Variants in SCFD2 observed in about 807,000 individuals in gnomAD.
SCFD2 encodes sec1 family domain containing 2.
SCFD2 carries 54 observed loss-of-function variants against 58.9 expected under a neutral mutation model. That is an observed-to-expected ratio of 0.92 (90% CI 0.74 to 1.15). The LOEUF (loss-of-function observed/expected upper bound fraction) is 1.15. Among genes scored for constraint, SCFD2 ranks in the 50% most tolerant of loss-of-function variants. SCFD2 has a pLI of 0.00. For missense variants in SCFD2, 805 were observed against 836.6 expected (o/e 0.96, Z 0.47); for synonymous variants, 321 against 335.9 (o/e 0.96, Z 0.49).
chr4:53,317,216 A>G (rs751854853), intron 2 of SCFD2, among the ~76,000 whole-genome samples: 14 of 152,108 alleles, frequency 9.2e-5, no homozygotes, highest in Non-Finnish European at 1.5e-4. Context: ...CACATTACAC[A>G]TGGTCATTTT....
intron 5 of SCFD2, among the ~76,000 whole-genome samples, chr4:52,961,039 T>A (rs1307462375): frequency 6.6e-6 from 1 of 152,112 alleles, no homozygotes; most frequent in Non-Finnish European, 1.5e-5. Flanking sequence ...GGTTGGCAGA[T>A]CATTCTGGGC....
intron 4 of SCFD2, among the ~76,000 whole-genome samples, chr4:53,224,484 T>G (rs1467185329): frequency 2.6e-5 from 4 of 151,962 alleles, no homozygotes; most frequent in African/African-American, 9.7e-5. Context: ...CTGAATACCC[T>G]GAGATTGCCA....
At chr4:53,272,727 A>G (rs1731212296) in intron 4 of SCFD2, among the ~76,000 whole-genome samples, 3 of 152,190 alleles carry the variant, frequency 2.0e-5, no homozygotes, top group Admixed American at 1.3e-4. Flanking sequence ...GGAGAGGGAT[A>G]GCATTAGGAG....
At chr4:53,033,058 A>G (rs1722660119) in intron 5 of SCFD2, among the ~76,000 whole-genome samples, 1 of 152,206 alleles carries the variant, frequency 6.6e-6, no homozygotes, top group East Asian at 1.9e-4. Context: ...AATTGACCAC[A>G]TAATTGAAAG....
At chr4:53,009,789 C>A (rs546224492) in intron 5 of SCFD2, among the ~76,000 whole-genome samples, 1 of 152,314 alleles carries the variant, frequency 6.6e-6, no homozygotes, top group African/African-American at 2.4e-5. Context: ...AATTGCATTT[C>A]TCAGAACCCT....
At chr4:53,226,877 C>G (rs1316946861) in intron 4 of SCFD2, among the ~76,000 whole-genome samples, 1 of 152,172 alleles carries the variant, frequency 6.6e-6, no homozygotes, top group South Asian at 2.1e-4. Context: ...CTGTCTATCA[C>G]TAACTAAATT....
intron 4 of SCFD2, among the ~76,000 whole-genome samples, chr4:53,159,225 A>G (rs1726780341): frequency 6.6e-6 from 1 of 152,234 alleles, no homozygotes; most frequent in Non-Finnish European, 1.5e-5. Flanking sequence ...ATTGTAGATT[A>G]TCTCATTTAG....
chr4:53,162,009 A>G (rs1726867399), intron 4 of SCFD2, among the ~76,000 whole-genome samples: 1 of 152,180 alleles, frequency 6.6e-6, no homozygotes, highest in South Asian at 2.1e-4. Context: ...AAGGCTTTAT[A>G]AAAATATGCA....
At chr4:53,332,923 C>G (rs1733541014) in intron 2 of SCFD2, among the ~76,000 whole-genome samples, 1 of 151,256 alleles carries the variant, frequency 6.6e-6, no homozygotes, top group Non-Finnish European at 1.5e-5. Context: ...AATCAATGTA[C>G]AAAAATCACA....
chr4:53,277,818 C>T (rs1285093995), intron 3 of SCFD2, among the ~76,000 whole-genome samples: 2 of 151,892 alleles, frequency 1.3e-5, no homozygotes, highest in Non-Finnish European at 2.9e-5. Flanking sequence ...TTTGGGAGGC[C>T]GAGGCGGGCA....
At chr4:53,020,140 C>T (rs576453111) in intron 5 of SCFD2, among the ~76,000 whole-genome samples, 9 of 152,294 alleles carry the variant, frequency 5.9e-5, no homozygotes, top group Non-Finnish European at 1.0e-4. Context: ...ATAGCTCTTC[C>T]GGTGCCCACA....
intron 5 of SCFD2, among the ~76,000 whole-genome samples, chr4:52,943,734 G>A (rs915214417): frequency 6.6e-6 from 1 of 152,044 alleles, no homozygotes; most frequent in Non-Finnish European, 1.5e-5. Context: ...GAATTTTGGA[G>A]GGGACACATT....
intron 7 of SCFD2, among the ~76,000 whole-genome samples, chr4:52,903,462 C>CA (rs1719272244): frequency 6.6e-6 from 1 of 152,132 alleles, no homozygotes; most frequent in African/African-American, 2.4e-5. Flanking sequence ...GGCTTAAGGG[C>CA]AGTAGTTGGA....
rs774285759 is a variant in SCFD2, at chr4:53,273,997, T to A, written c.1140A>T (p.Arg380Ser). Residue 380 changes from arginine (R) to serine (S), a missense_variant, in exon 4 of 9, where the codon AGA (arginine) becomes AGT (serine). Around this residue, in one of 3 missense-constraint regions of SCFD2, gnomAD observed 633 missense variants for 646.8 expected, o/e 0.98. Transcript: ENST00000401642. ...AGGACATGAGCTGTCCCGGTGTGACTCTCCCTGGAAACATAAGAATTTATC... is the reference window on the plus strand; with the variant it reads ...AGGACATGAGCTGTCCCGGTGTGACACTCCCTGGAAACATAAGAATTTATC... ...ENLPIKMSMG[R>S]VTPGQLMSYI... 2.5e-6 allele frequency: 4 copies of A among 1,607,320 alleles called. No homozygotes were observed. Among genetic ancestry groups the A allele is most frequent in the Non-Finnish European group, 1.7e-6 (2 of 1,177,032 alleles).
At chr4:53,100,368 A>G (rs548012092) in intron 5 of SCFD2, among the ~76,000 whole-genome samples, 4 of 152,334 alleles carry the variant, frequency 2.6e-5, no homozygotes, top group African/African-American at 9.6e-5. Context: ...CAGAAGTACC[A>G]TCATAGTTAT....
chr4:53,085,468 T>C (rs1373985277), intron 5 of SCFD2, among the ~76,000 whole-genome samples: 1 of 152,150 alleles, frequency 6.6e-6, no homozygotes, highest in African/African-American at 2.4e-5. Context: ...CCAAAAGCAA[T>C]CTACAGATTC....
chr4:52,875,427 G>C (rs116313780), intron 8 of SCFD2, among the ~76,000 whole-genome samples: 4,875 of 139,570 alleles, frequency 0.035, 81 homozygotes, highest in South Asian at 0.053. Flanking sequence ...GGGAAAAGCT[G>C]TCCTAGAGCC....
At chr4:53,099,842 A>G (rs1724781003) in intron 5 of SCFD2, among the ~76,000 whole-genome samples, 1 of 152,180 alleles carries the variant, frequency 6.6e-6, no homozygotes, top group Non-Finnish European at 1.5e-5. Context: ...GGAGGGGTCA[A>G]ACATCCAAAC....
At chr4:53,292,838 G>T (rs1731887851) in intron 3 of SCFD2, among the ~76,000 whole-genome samples, 2 of 149,838 alleles carry the variant, frequency 1.3e-5, no homozygotes, top group Admixed American at 1.3e-4. Context: ...AAGAAAATGT[G>T]GTGGGGAACA....
Sources: gnomAD v4.1 joint callset for allele counts (sites outside exome capture counted in the v4.1 genomes callset) on GRCh38, gnomAD v4.1.1 for gene constraint, gnomAD v4.1.1 regional missense constraint, MANE v1.5 for transcripts, NCBI Gene and HGNC (gene_info 2026-07-23, HGNC 2026-07-21) for gene names.